TTC39C: variants seen among roughly 807,000 people sequenced by gnomAD.
TTC39C encodes tetratricopeptide repeat domain 39C.
Under a neutral mutation model 76.3 loss-of-function variants are expected in TTC39C, and 33 were observed. The observed-to-expected ratio is 0.43, with a 90% CI of 0.33 to 0.58. TTC39C has a LOEUF of 0.58. Among genes scored for constraint, TTC39C ranks in the 20% least tolerant of loss-of-function variants. The probability of loss-of-function intolerance (pLI) is 0.04; values close to 1 mark genes in which losing one functional copy is unlikely to be tolerated. For synonymous variants in TTC39C, 254 were observed against 260.6 expected, an observed-to-expected ratio of 0.97 and a Z score of 0.24; for missense variants, 595 against 701.4, an observed-to-expected ratio of 0.85 and a Z score of 1.71.
At chr18:24,047,588 T>C (rs1265103329) in intron 1 of TTC39C, among the ~76,000 whole-genome samples, 1 of 152,136 alleles carries the variant, frequency 6.6e-6, no homozygotes, top group East Asian at 1.9e-4. Context: ...CCTCCTTCCT[T>C]CCCTTTCTGT....
chr18:24,030,387 T>C (rs532387247), intron 1 of TTC39C, among the ~76,000 whole-genome samples: 2 of 152,300 alleles, frequency 1.3e-5, no homozygotes, highest in South Asian at 4.1e-4. Flanking sequence ...TCAGAACAGA[T>C]CAGTAACTCT....
In TTC39C at chr18:24,021,263, C is replaced by T. The variant is rs572868911; in HGVS notation, c.167+6225C>T. Among the ~76,000 whole-genome samples, 5 of 152,254 alleles carry T rather than the reference C, an allele frequency of 3.3e-5. No individual in the cohort carries two copies. The South Asian group carries it at 1.0e-3, about 32-fold the overall frequency. On this transcript the variant is annotated intron_variant, in intron 1 of 13. Coordinates refer to ENST00000317571, the MANE Select transcript of TTC39C (RefSeq NM_001135993.2). ...TCAGGTGGGGTAGGGAAGAACTGGT[C>T]CCTGTCCTACACAGCACCTCTTTCA...
At chr18:24,125,754 C>G in intron 10 of TTC39C, 1 of 562,436 alleles carries the variant, frequency 1.8e-6, no homozygotes, top group Admixed American at 3.0e-5. Context: ...CTGCTGTGGA[C>G]AGATATGCTT....
Position 24,066,096 on chromosome 18 carries a change from G to A in TTC39C, c.301G>A (p.Glu101Lys), listed in dbSNP as rs1365782331. The A allele has an allele frequency of 1.2e-6, 2 of 1,600,744 alleles. No individual in the cohort carries two copies. The highest frequency in any genetic ancestry group is 1.7e-6 in the Non-Finnish European group (2 of 1,176,934). Reference sequence around the variant, plus strand: ...CACAGAAAAACTGTGTGAAAGTGAAGAGGCTGGAGTAATTGAAACAATCAA... The same window carrying A: ...CACAGAAAAACTGTGTGAAAGTGAAAAGGCTGGAGTAATTGAAACAATCAA... ...KTTEKLCESE[E>K]AGVIETIKNK... The change falls in exon 3 of 14, where the codon GAG becomes AAG. Residue 101 changes from glutamate to lysine, a missense_variant. By Grantham distance (56) the Glu-to-Lys change is moderately conservative. Transcript: ENST00000317571.
intron 6 of TTC39C, among the ~76,000 whole-genome samples, chr18:24,103,991 G>A (rs1412611580): frequency 6.6e-6 from 1 of 151,404 alleles, no homozygotes; most frequent in Non-Finnish European, 1.5e-5. Flanking sequence ...GAGTGCAGTG[G>A]TGCCATCTCG....
intron 1 of TTC39C, among the ~76,000 whole-genome samples, chr18:24,026,446 G>A (rs1238073079): frequency 6.6e-6 from 1 of 151,944 alleles, no homozygotes; most frequent in Non-Finnish European, 1.5e-5. Flanking sequence ...AGGGTCAGAT[G>A]CTTCATGGTT....
At chr18:24,045,438 T>C (rs1432468820) in intron 1 of TTC39C, among the ~76,000 whole-genome samples, 2 of 152,154 alleles carry the variant, frequency 1.3e-5, no homozygotes, top group South Asian at 2.1e-4. Flanking sequence ...CTTAAAATAT[T>C]ATGGCATATT....
intron 1 of TTC39C, among the ~76,000 whole-genome samples, chr18:24,049,781 G>A (rs562943989): frequency 9.9e-5 from 15 of 152,040 alleles, no homozygotes; most frequent in Non-Finnish European, 2.1e-4. Context: ...GAAATGTATA[G>A]GATTAAAGTA....
intron 1 of TTC39C, 22 bp from the exon 2 acceptor site, chr18:24,064,118 T>G: frequency 6.2e-7 from 1 of 1,613,068 alleles, no homozygotes; most frequent in Non-Finnish European, 8.5e-7. Flanking sequence ...ATTTTGTGTG[T>G]GTGTGTGTGT....
Position 24,076,801 on chromosome 18 carries a change from A to G in TTC39C, c.461-3784A>G, listed in dbSNP as rs948681348. 6 of 152,246 alleles carry G rather than the reference A, an allele frequency of 3.9e-5. 1 individual carries two copies. In the South Asian group the frequency reaches 8.3e-4, roughly 21 times the overall value. The allele number at this position is 152,246 out of a possible 1,614,324, so 9.4% of individuals were successfully genotyped here. A position where few individuals can be genotyped will look rare whatever the true frequency, so the allele number is the denominator to read the frequency against. On this transcript the variant is annotated intron_variant, in intron 4 of 13. Coordinates refer to ENST00000317571, the MANE Select transcript of TTC39C (RefSeq NM_001135993.2). ...ACAGCTTGTTACCATAGACTTTAAC[A>G]TGTGCCTTCAGACATTGGCACCCAT...
At chr18:24,057,068 C>CGAG (rs1219419572) in intron 1 of TTC39C, among the ~76,000 whole-genome samples, 1 of 148,704 alleles carries the variant, frequency 6.7e-6, no homozygotes, top group Middle Eastern at 3.2e-3. Context: ...GTTCTTGTCA[C>CGAG]TCAGCTTCAA....
Position 24,014,940 on chromosome 18 carries a change from G to C in TTC39C, c.69G>C (p.Ala23=), listed in dbSNP as rs2083433283. Residue 23 remains alanine, a synonymous_variant, in exon 1 of 14, where the codon GCG becomes GCC. Coordinates refer to ENST00000317571, the MANE Select transcript of TTC39C (RefSeq NM_001135993.2). ...DDGDSDAAAA[A]AAPLQDAELA... ...GAGACTCGGACGCGGCAGCGGCGGC[G>C]GCGGCGCCCCTGCAGGACGCGGAGC... The C allele has an allele frequency of 1.3e-6, 2 of 1,525,734 alleles. No individual in the cohort carries two copies. Among genetic ancestry groups the C allele is most frequent in the Admixed American group, 2.1e-5 (1 of 48,078 alleles). 94.5% of individuals were successfully genotyped at this position (1,525,734 alleles called of 1,614,324 possible).
At position 24,134,375 on chromosome 18, in the gene TTC39C, A is replaced by T. The variant is rs1372001799; in HGVS notation, c.*1801A>T. The T allele has an allele frequency of 7.2e-6, 1 of 138,712 alleles. No homozygotes were observed. Among genetic ancestry groups the T allele is most frequent in the Non-Finnish European group, 1.5e-5 (1 of 66,016 alleles). 8.6% of individuals were successfully genotyped at this position (138,712 alleles called of 1,614,324 possible). ...TGCAACCTCTGCCTCCTGGGTTCAC[A>T]CCATTCTCCTGCCTCAGCCTCCCAA... On this transcript the variant is annotated 3_prime_UTR_variant, in exon 14 of 14. Transcript: ENST00000317571.
chr18:24,043,301 G>A (rs1385532746), intron 1 of TTC39C, among the ~76,000 whole-genome samples: 1 of 152,136 alleles, frequency 6.6e-6, no homozygotes, highest in Non-Finnish European at 1.5e-5. Context: ...CTTCAAGGCT[G>A]CAGTGAGCCA....
intron 1 of TTC39C, chr18:24,020,353 T>G (rs1197070711): frequency 2.0e-6 from 2 of 976,178 alleles, no homozygotes; most frequent in Non-Finnish European, 2.4e-6. Flanking sequence ...TGGAGGAAAT[T>G]ATCAGGAAAA....
intron 4 of TTC39C, among the ~76,000 whole-genome samples, chr18:24,080,055 G>A (rs1175924082): frequency 6.6e-6 from 1 of 152,062 alleles, no homozygotes; most frequent in South Asian, 2.1e-4. Context: ...GCCCACCACG[G>A]CCTCCCAAAG....
chr18:24,015,898 G>A, intron 1 of TTC39C, among the ~76,000 whole-genome samples: 1 of 152,146 alleles, frequency 6.6e-6, no homozygotes, highest in East Asian at 1.9e-4. Flanking sequence ...TCGGGTTGAG[G>A]AAGCAAGTTT....
At chr18:24,045,462 T>C (rs1054539675) in intron 1 of TTC39C, among the ~76,000 whole-genome samples, 4 of 152,220 alleles carry the variant, frequency 2.6e-5, no homozygotes, top group South Asian at 2.1e-4. Context: ...TTTTGTTTTG[T>C]GAAAGGCTGT....
At chr18:24,064,245 T>G in intron 2 of TTC39C, 57 bp downstream of exon 2, 1 of 1,584,782 alleles carries the variant, frequency 6.3e-7, no homozygotes, top group South Asian at 1.1e-5. Flanking sequence ...TAAAGTAATG[T>G]CTGTTAGTGG....
Sources: gnomAD v4.1 joint callset for allele counts (sites outside exome capture counted in the v4.1 genomes callset) on GRCh38, gnomAD v4.1.1 for gene constraint, MANE v1.5 for transcripts, NCBI Gene and HGNC (gene_info 2026-07-23, HGNC 2026-07-21) for gene names.